The following ZFX variants were observed in gnomAD, a reference collection of about 807,000 sequenced individuals.
ZFX encodes the protein zinc finger X-chromosomal protein.
For missense variants in ZFX, 362 were observed against 628.3 expected (o/e 0.58, Z 4.53); for synonymous variants, 196 against 226.8 (o/e 0.86, Z 1.22).
chrX:24,179,219 T>C lies in ZFX; in HGVS notation c.95T>C (p.Val32Ala), dbSNP rs760181685. The C allele has an allele frequency of 1.7e-6, 2 of 1,210,061 alleles. No individual in the cohort carries two copies. The highest frequency in any genetic ancestry group is 1.7e-5 in the African/African-American group (1 of 57,221). The change falls in exon 5 of 10, where the codon GTT becomes GCT. Residue 32 changes from valine to alanine, a missense_variant. Transcript: ENST00000304543. The part of the protein sequence containing the change: ...DGTHMDGDQI[V>A]VEVQETVFVS... The stretch of plus-strand genomic sequence containing the variant: ...ACACACATGGATGGTGATCAAATTG[T>C]TGTGGAAGTACAAGAAACTGTTTTT...
At chrX:24,164,019 C>T (rs1011626020) in intron 3 of ZFX, among the ~76,000 whole-genome samples, 15 of 102,402 alleles carry the variant, frequency 1.5e-4, no homozygotes, top group Non-Finnish European at 2.8e-4. Flanking sequence ...TGTGCTTTCT[C>T]CCAGTTTCTT....
intron 4 of ZFX, among the ~76,000 whole-genome samples, chrX:24,178,373 C>T (rs112255623): frequency 0.22 from 22,614 of 100,996 alleles, 2,102 homozygotes; most frequent in Admixed American, 0.27. Flanking sequence ...ACTGCAAGCT[C>T]TGCCTCCCGG....
Position 24,172,719 on chromosome X carries a change from T to C in ZFX, c.-24T>C. 1.7e-6 allele frequency: 2 copies of C among 1,169,791 alleles called. No individual in the cohort carries two copies. Among genetic ancestry groups the C allele is most frequent in the Non-Finnish European group, 2.3e-6 (2 of 877,995 alleles). On this transcript the variant is annotated 5_prime_UTR_variant, in exon 4 of 10. Coordinates refer to ENST00000304543, the MANE Select transcript of ZFX (RefSeq NM_003410.4). ...TTACTTTTTTCCCTGATTTAGGAGC[T>C]GTGACTGATGAGAATTAAAGGCCAT...
intron 5 of ZFX, among the ~76,000 whole-genome samples, chrX:24,200,501 G>A (rs1361359041): frequency 1.8e-5 from 2 of 112,077 alleles, no homozygotes; most frequent in Non-Finnish European, 3.8e-5. Context: ...GAATGGGATC[G>A]ACTTTGGAGT....
chrX:24,168,503 C>T (rs1422029458), intron 3 of ZFX, among the ~76,000 whole-genome samples: 1 of 110,421 alleles, frequency 9.1e-6, no homozygotes, highest in East Asian at 2.8e-4. Context: ...AGATAAAATG[C>T]CATTGCTATA....
chrX:24,177,384 C>G (rs750701689), intron 4 of ZFX, among the ~76,000 whole-genome samples: 1 of 112,151 alleles, frequency 8.9e-6, no homozygotes, highest in East Asian at 2.8e-4. Flanking sequence ...TCAACTGATT[C>G]AGTCCTCTAC....
chrX:24,182,556 A>G (rs753533095), intron 5 of ZFX, among the ~76,000 whole-genome samples: 4 of 111,656 alleles, frequency 3.6e-5, no homozygotes, highest in Non-Finnish European at 5.6e-5. Context: ...TGGTATCTAA[A>G]TTAGAGTAGG....
At chrX:24,161,748 G>C (rs1368798005) in intron 3 of ZFX, 4 of 98,999 alleles carry the variant, frequency 4.0e-5, no homozygotes, top group Non-Finnish European at 7.9e-5. Context: ...CTGGAATGCA[G>C]TGCAGTGGTG....
intron 5 of ZFX, among the ~76,000 whole-genome samples, chrX:24,197,659 G>A (rs1010706815): frequency 8.9e-6 from 1 of 112,059 alleles, no homozygotes; most frequent in Non-Finnish European, 1.9e-5. Flanking sequence ...CTGAGATAAA[G>A]ATTAGGATCT....
At position 24,188,039 on chromosome X, in the gene ZFX, G is replaced by A. The variant is rs376964902; in HGVS notation, c.646+8269G>A. On this transcript the variant is annotated intron_variant, in intron 5 of 9. Coordinates refer to ENST00000304543, the MANE Select transcript of ZFX (RefSeq NM_003410.4). ...ATACAAAAATTAGCCGGGCATGGTGGTGCGCACCTGTAATCCCAGCTACTC... is the reference window on the plus strand; with the variant it reads ...ATACAAAAATTAGCCGGGCATGGTGATGCGCACCTGTAATCCCAGCTACTC... Among the ~76,000 whole-genome samples, 29 of 110,118 alleles carry A rather than the reference G, an allele frequency of 2.6e-4. No individual in the cohort carries two copies. The South Asian group carries it at 0.011, about 41-fold the overall frequency.
At chrX:24,207,245 A>ATTTTTTTTT in intron 5 of ZFX, 81 bp from the exon 6 acceptor site, 1 of 758,759 alleles carries the variant, frequency 1.3e-6, no homozygotes, top group South Asian at 3.3e-5. Flanking sequence ...AAAAAAAAAA[A>ATTTTTTTTT]TTTTTTTTTT....
chrX:24,174,997 G>A (rs887730707), intron 4 of ZFX, among the ~76,000 whole-genome samples: 1 of 111,727 alleles, frequency 9.0e-6, no homozygotes, highest in South Asian at 3.7e-4. Flanking sequence ...CACTGTGCTC[G>A]GTCAAATTTT....
intron 9 of ZFX, among the ~76,000 whole-genome samples, chrX:24,209,752 T>A (rs960319734): frequency 1.8e-5 from 2 of 110,373 alleles, no homozygotes; most frequent in Non-Finnish European, 3.8e-5. Flanking sequence ...ATTTTCATAT[T>A]TTTAGTAGAG....
intron 3 of ZFX, among the ~76,000 whole-genome samples, chrX:24,153,633 GCT>G (rs745493169): frequency 2.7e-4 from 30 of 111,810 alleles, no homozygotes; most frequent in Non-Finnish European, 5.4e-4. Flanking sequence ...ATATAAAAGT[GCT>G]CTGTGTTTCA....
chrX:24,202,011 C>A (rs1937330038), intron 5 of ZFX, among the ~76,000 whole-genome samples: 1 of 111,412 alleles, frequency 9.0e-6, no homozygotes, highest in Non-Finnish European at 1.9e-5. Context: ...CAAGTTCTTG[C>A]CTCCTGTTTC....
chrX:24,166,930 C>G (rs887018549), intron 3 of ZFX, among the ~76,000 whole-genome samples: 26 of 111,868 alleles, frequency 2.3e-4, no homozygotes, highest in African/African-American at 8.5e-4. Flanking sequence ...GAATTGGCAT[C>G]CTGCAGTACC....
chrX:24,212,859 T>TAAG lies in ZFX; in HGVS notation c.*1484_*1486dup, dbSNP rs1938191001. On this transcript the variant is annotated 3_prime_UTR_variant, in exon 10 of 10. Coordinates refer to ENST00000304543, the MANE Select transcript of ZFX (RefSeq NM_003410.4). Reference sequence around the variant, plus strand: ...TCTGAGGCCTTATTTGGAACATCACTAAGTCTTCCACAGGTTTTTTGTTTG... The same window carrying TAAG: ...TCTGAGGCCTTATTTGGAACATCACTAAGAAGTCTTCCACAGGTTTTTTGTTTG... The TAAG allele has an allele frequency of 9.0e-6, 1 of 111,643 alleles. No homozygotes were observed. The highest frequency in any genetic ancestry group is 3.3e-5 in the African/African-American group (1 of 30,722). 9.2% of individuals were successfully genotyped at this position (111,643 alleles called of 1,213,427 possible). A position where few individuals can be genotyped will look rare whatever the true frequency, so the allele number is the denominator to read the frequency against.
At chrX:24,154,464 T>A (rs1429054943) in intron 3 of ZFX, among the ~76,000 whole-genome samples, 1 of 112,435 alleles carries the variant, frequency 8.9e-6, no homozygotes, top group African/African-American at 3.2e-5. Context: ...TTGAGATTTA[T>A]CCATGTAATG....
intron 4 of ZFX, chrX:24,177,623 C>G: frequency 1.5e-6 from 1 of 660,735 alleles, no homozygotes; most frequent in Non-Finnish European, 1.8e-6. Context: ...GTTGTCTTTC[C>G]TCCTCAACTG....
Sources: gnomAD v4.1 joint callset for allele counts (sites outside exome capture counted in the v4.1 genomes callset) on GRCh38, gnomAD v4.1.1 for gene constraint, MANE v1.5 for transcripts, NCBI Gene and HGNC (gene_info 2026-07-23, HGNC 2026-07-21) for gene names.